DPYSL2: variants seen among roughly 807,000 people sequenced by gnomAD.
DPYSL2 encodes the protein dihydropyrimidinase like 2, also known as dihydropyrimidinase-related protein 2.
In DPYSL2, 13 loss-of-function variants were observed where a neutral mutation model predicts 69.9. The observed-to-expected ratio is 0.19, with a 90% CI of 0.12 to 0.30. The LOEUF (loss-of-function observed/expected upper bound fraction) is 0.30. Among genes scored for constraint, DPYSL2 ranks in the 10% least tolerant of loss-of-function variants. DPYSL2 has a pLI of 1.00. For synonymous variants in DPYSL2, 326 were observed against 359.1 expected (o/e 0.91, Z 1.04); for missense variants, 587 against 918.9 (o/e 0.64, Z 4.67).
intron 1 of DPYSL2, among the ~76,000 whole-genome samples, chr8:26,559,909 C>T (rs1021701955): frequency 6.6e-6 from 1 of 152,068 alleles, no homozygotes; most frequent in Non-Finnish European, 1.5e-5. Flanking sequence ...AGGGAGGAGC[C>T]CCCTGTGATG....
At chr8:26,575,802 G>T (rs1040907715) in intron 1 of DPYSL2, among the ~76,000 whole-genome samples, 1 of 152,146 alleles carries the variant, frequency 6.6e-6, no homozygotes, top group Non-Finnish European at 1.5e-5. Context: ...ATAATTATAG[G>T]TTACTTTGTT....
chr8:26,549,041 T>G (rs1585502156), intron 1 of DPYSL2, among the ~76,000 whole-genome samples: 1 of 151,546 alleles, frequency 6.6e-6, no homozygotes, highest in East Asian at 2.0e-4. Flanking sequence ...ATACAAAAAT[T>G]AGCTAGGGAT....
At position 26,562,405 on chromosome 8, in the gene DPYSL2, A is replaced by C. The variant is rs541013929; in HGVS notation, c.355-19564A>C. Reference sequence around the variant, plus strand: ...TCCAACATAAATGACACATCTGTCCATTTATCTCAAGTGCCCTTGCCCTGG... The same window carrying C: ...TCCAACATAAATGACACATCTGTCCCTTTATCTCAAGTGCCCTTGCCCTGG... On this transcript the variant is annotated intron_variant, in intron 1 of 13. Transcript: ENST00000521913. The surrounding 1 kb of genome is among the most constrained non-coding windows in gnomAD (Gnocchi z 4.9). 6.6e-6 allele frequency among the ~76,000 whole-genome samples: 1 copy of C among 152,282 alleles called. No homozygotes were observed. Among genetic ancestry groups the C allele is most frequent in the African/African-American group, 2.4e-5 (1 of 41,546 alleles).
rs188598270 is a variant in DPYSL2 at position 26,635,946 on chromosome 8, T to C, written c.1126+1046T>C. Among the ~76,000 whole-genome samples, 32 of 152,292 alleles carry C rather than the reference T, an allele frequency of 2.1e-4. No individual in the cohort carries two copies. In the South Asian group the frequency reaches 3.7e-3, roughly 18 times the overall value. ...ACATGGATCAAGGTGGGCTGTGGGATTTTTTTCACTGGCGGGTGACTTGCT... is the reference window on the plus strand; with the variant it reads ...ACATGGATCAAGGTGGGCTGTGGGACTTTTTTCACTGGCGGGTGACTTGCT... On this transcript the variant is annotated intron_variant, in intron 8 of 13. Transcript: ENST00000521913.
chr8:26,639,143 G>A (rs1288900976), intron 8 of DPYSL2, among the ~76,000 whole-genome samples: 2 of 152,206 alleles, frequency 1.3e-5, no homozygotes, highest in African/African-American at 4.8e-5. Flanking sequence ...GAAGCACATG[G>A]TCGCAGGGCC....
At position 26,587,683 on chromosome 8, in the gene DPYSL2, T is replaced by G. The variant is rs1028720931; in HGVS notation, c.628+3700T>G. Among the ~76,000 whole-genome samples, 3 of 152,178 alleles carry G rather than the reference T, an allele frequency of 2.0e-5. No individual in the cohort carries two copies. Among genetic ancestry groups the G allele is most frequent in the African/African-American group, 7.2e-5 (3 of 41,446 alleles). On this transcript the variant is annotated intron_variant, in intron 3 of 13. Coordinates refer to ENST00000521913, the MANE Select transcript of DPYSL2 (RefSeq NM_001197293.3). This position sits in a 1 kb window ranked among gnomAD's most constrained non-coding sequence, Gnocchi z 4.2. Reference sequence around the variant, plus strand: ...TCAGTGTGGAGCAGGGGGAACGCCCTTTGCCCTTTCCACCCAGTGGTGGGT... The same window carrying G: ...TCAGTGTGGAGCAGGGGGAACGCCCGTTGCCCTTTCCACCCAGTGGTGGGT...
chr8:26,623,864 C>G, intron 3 of DPYSL2: 1 of 359,466 alleles, frequency 2.8e-6, no homozygotes, highest in Non-Finnish European at 5.1e-6. Context: ...CCGTGAAATG[C>G]ACCCAAAGCT....
rs755902500 is a variant in DPYSL2, at chr8:26,582,055, C to A, written c.441C>A (p.Ile147=). The A allele has an allele frequency of 5.0e-6, 8 of 1,612,410 alleles. No homozygotes were observed. In the East Asian group the frequency reaches 1.8e-4, roughly 36 times the overall value. Residue 147 remains isoleucine, a splice_region_variant and synonymous_variant, in exon 2 of 14, where the codon ATC becomes ATA. Coordinates refer to ENST00000521913, the MANE Select transcript of DPYSL2 (RefSeq NM_001197293.3). This position sits in a 1 kb window ranked among gnomAD's most constrained non-coding sequence, Gnocchi z 4.1. ...YADIYMEDGL[I]KQIGENLIVP... is the part of the protein sequence containing the mutation. ...ACATATACATGGAAGATGGGTTGAT[C>A]AAGTAAGTGTAACTCATGATATACA...
chr8:26,546,947 A>G (rs1377274664), intron 1 of DPYSL2, among the ~76,000 whole-genome samples: 28 of 145,584 alleles, frequency 1.9e-4, no homozygotes, highest in Non-Finnish European at 2.4e-4. Flanking sequence ...AAAAAAAAAA[A>G]AAAAGAAAAG....
intron 1 of DPYSL2, among the ~76,000 whole-genome samples, chr8:26,537,903 A>C (rs920771412): frequency 1.3e-5 from 2 of 152,130 alleles, no homozygotes; most frequent in African/African-American, 2.4e-5. Context: ...TTTTCCTTCT[A>C]TCTGGAAGCG....
chr8:26,622,448 ATG>A (rs10606826), intron 3 of DPYSL2, among the ~76,000 whole-genome samples: 1,771 of 142,436 alleles, frequency 0.012, 20 homozygotes, highest in Admixed American at 0.016. Flanking sequence ...GCCATATTGT[ATG>A]TGTGTGTGTG....
At chr8:26,524,182 T>C (rs1808438223) in intron 1 of DPYSL2, among the ~76,000 whole-genome samples, 1 of 152,214 alleles carries the variant, frequency 6.6e-6, no homozygotes, top group South Asian at 2.1e-4. Context: ...CCTATACTTA[T>C]TTTTTGGTAG....
In DPYSL2 at chr8:26,624,177, G is replaced by C. The variant is rs771798837; in HGVS notation, c.663G>C (p.Leu221=). The C allele has an allele frequency of 1.2e-6, 2 of 1,614,078 alleles. No individual in the cohort carries two copies. Among genetic ancestry groups the C allele is most frequent in the African/African-American group, 2.7e-5 (2 of 74,918 alleles). ...TTGTTCCTGAGCCTGGGACAAGCCT[G>C]CTCGCTGCCTTTGACCAGTGGAGGG... is the stretch of plus-strand genomic sequence containing the variant. ...DHVVPEPGTS[L]LAAFDQWREW... is the part of the protein sequence containing the mutation. Residue 221 remains leucine, a synonymous_variant, in exon 4 of 14, where the codon CTG becomes CTC. Transcript: ENST00000521913. The surrounding 1 kb of genome is among the most constrained non-coding windows in gnomAD (Gnocchi z 4.7).
intron 1 of DPYSL2, among the ~76,000 whole-genome samples, chr8:26,529,059 A>G (rs1250463137): frequency 6.6e-6 from 1 of 152,094 alleles, no homozygotes; most frequent in South Asian, 2.1e-4. Context: ...TCATTTTACT[A>G]TCTCTAGGAA....
intron 10 of DPYSL2, among the ~76,000 whole-genome samples, chr8:26,645,746 C>T (rs1455859214): frequency 1.3e-5 from 2 of 152,010 alleles, no homozygotes; most frequent in Admixed American, 1.3e-4. Flanking sequence ...GACAGGGTTT[C>T]ACCATATTGG....
At chr8:26,554,787 C>G (rs1002234978) in intron 1 of DPYSL2, among the ~76,000 whole-genome samples, 3 of 152,064 alleles carry the variant, frequency 2.0e-5, no homozygotes, top group African/African-American at 4.8e-5. Context: ...CAAAATTACC[C>G]TAATACCAAA....
intron 1 of DPYSL2, chr8:26,577,706 G>C: frequency 1.4e-6 from 1 of 727,646 alleles, no homozygotes; most frequent in Non-Finnish European, 1.7e-6. Context: ...CCGGCCCGAA[G>C]AAAGCGCGCG....
rs1456179788 is a variant in DPYSL2, at chr8:26,654,816, TCTC to T, written c.1943-796_1943-794del. Among the ~76,000 whole-genome samples, 6 of 152,130 alleles carry T rather than the reference TCTC, an allele frequency of 3.9e-5. No individual in the cohort carries two copies. The highest frequency in any genetic ancestry group is 3.3e-4 in the Admixed American group (5 of 15,282). On this transcript the variant is annotated intron_variant, in intron 13 of 13. Coordinates refer to ENST00000521913, the MANE Select transcript of DPYSL2 (RefSeq NM_001197293.3). The surrounding 1 kb of genome is among the most constrained non-coding windows in gnomAD (Gnocchi z 5.0). ...TGATTCTTTGGTTACCTTAGGCTCA[TCTC>T]CTTTTTAAAAAGTTTATTTTTATTT...
At chr8:26,570,346 G>C (rs748974649) in intron 1 of DPYSL2, among the ~76,000 whole-genome samples, 1 of 152,180 alleles carries the variant, frequency 6.6e-6, no homozygotes, top group Non-Finnish European at 1.5e-5. Flanking sequence ...AATGTGGACT[G>C]GGGACAGTGG....
Sources: gnomAD v4.1 joint callset for allele counts (sites outside exome capture counted in the v4.1 genomes callset) on GRCh38, gnomAD v4.1.1 for gene constraint, Gnocchi (gnomAD v3.1) non-coding constraint, MANE v1.5 for transcripts, NCBI Gene and HGNC (gene_info 2026-07-23, HGNC 2026-07-21) for gene names.